Variants in PPP1CB observed in about 807,000 individuals in gnomAD.
PPP1CB encodes serine/threonine-protein phosphatase PP1-beta catalytic subunit.
A neutral mutation model predicts 43.7 loss-of-function variants in PPP1CB; 2 were observed. The ratio of observed to expected loss-of-function variants is 0.05; its 90% CI spans 0.02 to 0.14. PPP1CB has a LOEUF of 0.14. Among genes scored for constraint, PPP1CB ranks in the 10% least tolerant of loss-of-function variants. The pLI, the probability that PPP1CB is intolerant of heterozygous loss-of-function variation, is 1.00. For synonymous variants in PPP1CB, 136 were observed against 135.6 expected, an observed-to-expected ratio of 1.00 and a Z score of -0.02; for missense variants, 84 against 398.0, an observed-to-expected ratio of 0.21 and a Z score of 6.71.
At chr2:28,773,481 G>A (rs1180023548) in intron 1 of PPP1CB, among the ~76,000 whole-genome samples, 1 of 152,214 alleles carries the variant, frequency 6.6e-6, no homozygotes. Context: ...TCTCTTTTCA[G>A]TTCCTGGGGT....
intron 1 of PPP1CB, among the ~76,000 whole-genome samples, chr2:28,772,146 G>A (rs1231144411): frequency 6.6e-6 from 1 of 151,944 alleles, no homozygotes; most frequent in Non-Finnish European, 1.5e-5. Context: ...GTGAAACCCT[G>A]TCTCTACAAA....
chr2:28,791,321 T>C (rs1270026860), intron 6 of PPP1CB, among the ~76,000 whole-genome samples: 2 of 152,098 alleles, frequency 1.3e-5, no homozygotes, highest in Non-Finnish European at 2.9e-5. Context: ...CAAAGTAGTT[T>C]TTTGTTGTTG....
Position 28,776,927 on chromosome 2 carries a change from G to A in PPP1CB, c.129G>A (p.Glu43=), listed in dbSNP as rs1367767406. ...EVRGLCIKSR[E]IFLSQPILLE... is the part of the protein sequence containing the mutation. ...GAGGCTTATGTATCAAGTCTCGGGA[G>A]ATCTTTCTCAGCCAGCCTATTCTTT... Residue 43 remains glutamate, a synonymous_variant, in exon 2 of 8, where the codon GAG becomes GAA. Coordinates refer to ENST00000395366, the MANE Select transcript of PPP1CB (RefSeq NM_002709.3). 6.2e-7 allele frequency: 1 copy of A among 1,613,606 alleles called. No individual in the cohort carries two copies. Among genetic ancestry groups the A allele is most frequent in the Non-Finnish European group, 8.5e-7 (1 of 1,179,612 alleles).
intron 1 of PPP1CB, among the ~76,000 whole-genome samples, chr2:28,767,998 A>G (rs1386087207): frequency 6.6e-6 from 1 of 152,192 alleles, no homozygotes; most frequent in Non-Finnish European, 1.5e-5. Flanking sequence ...AGTCAGGTGA[A>G]ATAAATTGGG....
rs554704347 is a variant in PPP1CB at position 28,775,370 on chromosome 2, A to G, written c.53-1481A>G. 3.4e-4 allele frequency among the ~76,000 whole-genome samples: 52 copies of G among 152,200 alleles called. 1 individual carries two copies. In the South Asian group the frequency reaches 9.6e-3, roughly 28 times the overall value. On this transcript the variant is annotated intron_variant, in intron 1 of 7. Coordinates refer to ENST00000395366, the MANE Select transcript of PPP1CB (RefSeq NM_002709.3). ...GTGATCCACCCACCTTGGCCTCCCAATGTGCTGGGATTACAGGTGTGAGCC... is the reference window on the plus strand; with the variant it reads ...GTGATCCACCCACCTTGGCCTCCCAGTGTGCTGGGATTACAGGTGTGAGCC...
chr2:28,787,600 A>G (rs749225462), intron 5 of PPP1CB, among the ~76,000 whole-genome samples: 1 of 152,212 alleles, frequency 6.6e-6, no homozygotes, highest in Non-Finnish European at 1.5e-5. Context: ...AGAAACTTGC[A>G]TTGAGGTCTG....
At chr2:28,762,967 A>G (rs1245737949) in intron 1 of PPP1CB, among the ~76,000 whole-genome samples, 1 of 152,238 alleles carries the variant, frequency 6.6e-6, no homozygotes, top group Non-Finnish European at 1.5e-5. Context: ...GGCAACAAGT[A>G]CTGTCAGTTG....
Position 28,777,020 on chromosome 2 carries a change from A to G in PPP1CB, c.184+38A>G, listed in dbSNP as rs772256257. 7.5e-6 allele frequency: 12 copies of G among 1,591,376 alleles called. No homozygotes were observed. The Admixed American group carries it at 1.9e-4, about 25-fold the overall frequency. Reference sequence around the variant, plus strand: ...GTAAAGTTGGAAACAACTCTTTTGAATCATGTTTTTCCTCCCATGTTTAAG... The same window carrying G: ...GTAAAGTTGGAAACAACTCTTTTGAGTCATGTTTTTCCTCCCATGTTTAAG... On this transcript the variant is annotated intron_variant, in intron 2 of 7. Transcript: ENST00000395366.
intron 6 of PPP1CB, among the ~76,000 whole-genome samples, chr2:28,791,826 G>A (rs1667392819): frequency 6.6e-6 from 1 of 151,932 alleles, no homozygotes; most frequent in African/African-American, 2.4e-5. Flanking sequence ...TCTGAACTAC[G>A]CTAGTTTGCA....
chr2:28,799,346 A>G lies in PPP1CB; in HGVS notation c.*43A>G. ...AGAAACCATCAGATTTGTTAAGGAC[A>G]TACTTCATAATATATAAGTGTGCAC... On this transcript the variant is annotated 3_prime_UTR_variant, in exon 8 of 8. Transcript: ENST00000395366. The G allele has an allele frequency of 4.2e-6, 6 of 1,443,354 alleles. No homozygotes were observed. The highest frequency in any genetic ancestry group is 5.8e-6 in the Non-Finnish European group (6 of 1,027,128). 89.4% of individuals were successfully genotyped at this position (1,443,354 alleles called of 1,614,324 possible). A position where few individuals can be genotyped will look rare whatever the true frequency, so the allele number is the denominator to read the frequency against.
At chr2:28,770,381 A>T (rs1290675456) in intron 1 of PPP1CB, among the ~76,000 whole-genome samples, 1 of 99,378 alleles carries the variant, frequency 1.0e-5, no homozygotes, top group South Asian at 3.6e-4. Context: ...AGTAAAAAAA[A>T]GGGGGGGGGG....
intron 1 of PPP1CB, among the ~76,000 whole-genome samples, chr2:28,752,496 G>A (rs551690105): frequency 1.2e-4 from 19 of 152,224 alleles, no homozygotes; most frequent in Non-Finnish European, 2.4e-4. Flanking sequence ...GGCTCCGCGC[G>A]CCGTGGTGCT....
Position 28,783,895 on chromosome 2 carries a change from T to G in PPP1CB, c.521-12T>G, listed in dbSNP as rs1667208839. ...TAGCTGTTAGTACTATGTCTCATCT[T>G]TTTATTTATAGGATTGTCACCAGAC... On this transcript the variant is annotated splice_polypyrimidine_tract_variant and intron_variant, in intron 4 of 7. Coordinates refer to ENST00000395366, the MANE Select transcript of PPP1CB (RefSeq NM_002709.3). The G allele has an allele frequency of 6.2e-7, 1 of 1,603,134 alleles. No homozygotes were observed. The highest frequency in any genetic ancestry group is 1.7e-5 in the Admixed American group (1 of 59,794).
intron 5 of PPP1CB, 100 bp from the exon 6 acceptor site, chr2:28,788,558 G>A: frequency 7.7e-7 from 1 of 1,290,556 alleles, no homozygotes; most frequent in Non-Finnish European, 1.1e-6. Context: ...TTTAGTAAAA[G>A]GTAAGAGGGC....
Sources: gnomAD v4.1 joint callset for allele counts (sites outside exome capture counted in the v4.1 genomes callset) on GRCh38, gnomAD v4.1.1 for gene constraint, MANE v1.5 for transcripts, NCBI Gene and HGNC (gene_info 2026-07-23, HGNC 2026-07-21) for gene names.